Variants in C5 observed in about 807,000 individuals in gnomAD.
The protein encoded by C5 is complement C5.
C5 carries 140 observed loss-of-function variants against 218.8 expected under a neutral mutation model. The ratio of observed to expected loss-of-function variants is 0.64; its 90% CI spans 0.56 to 0.74. The LOEUF (loss-of-function observed/expected upper bound fraction) is 0.74. C5 is among the 30% of genes least tolerant of loss of function. The pLI, the probability that C5 is intolerant of heterozygous loss-of-function variation, is 0.00. For missense variants in C5, 1,700 were observed against 1,969.6 expected (o/e 0.86, Z 2.59); for synonymous variants, 614 against 682.3 (o/e 0.90, Z 1.56).
At chr9:120,962,500 T>C (rs2046834644) in intron 36 of C5, among the ~76,000 whole-genome samples, 171 bp downstream of exon 36, 1 of 152,242 alleles carries the variant, frequency 6.6e-6, no homozygotes, top group Non-Finnish European at 1.5e-5. Context: ...AAGTAGTTTA[T>C]GTACAATATT....
intron 22 of C5, among the ~76,000 whole-genome samples, chr9:120,993,963 G>A (rs2047097171): frequency 6.6e-6 from 1 of 152,090 alleles, no homozygotes; most frequent in Admixed American, 6.5e-5. Context: ...CAATGAGGAT[G>A]GTGTGTCAGG....
At chr9:121,005,102 T>C (rs2047205919) in intron 20 of C5, among the ~76,000 whole-genome samples, 1 of 152,282 alleles carries the variant, frequency 6.6e-6, no homozygotes, top group East Asian at 1.9e-4. Flanking sequence ...TTTAAAAAAA[T>C]ATAGCTAGAA....
chr9:120,997,699 A>G lies in C5; in HGVS notation c.2638T>C (p.Ser880Pro). The G allele has an allele frequency of 6.2e-7, 1 of 1,614,190 alleles. No individual in the cohort carries two copies. Among genetic ancestry groups the G allele is most frequent in the Non-Finnish European group, 8.5e-7 (1 of 1,180,016 alleles). The part of the protein sequence containing the change: ...SPVIDHQGTK[S>P]SKCVRQKVEG... ...ACTTTCTGGCGCACACATTTGGAGG[A>G]CTTTGTGCCCTGATGATCAATGACT... Residue 880 changes from serine to proline, a missense_variant, in exon 21 of 41, where the codon TCC becomes CCC. Physicochemically the swap from Ser to Pro is moderately conservative, Grantham distance 74. Transcript: ENST00000223642.
upstream of C5, among the ~76,000 whole-genome samples, chr9:121,053,558 A>T (rs539957559): frequency 6.6e-6 from 1 of 152,244 alleles, no homozygotes; most frequent in South Asian, 2.1e-4. Context: ...ACCTTCATAA[A>T]AGCCATAAAA....
chr9:121,005,070 T>C (rs1326687186), intron 20 of C5, among the ~76,000 whole-genome samples: 1 of 152,086 alleles, frequency 6.6e-6, no homozygotes, highest in Admixed American at 6.6e-5. Flanking sequence ...GAAATTCTAA[T>C]CTCTAAGAAT....
intron 9 of C5, among the ~76,000 whole-genome samples, chr9:121,024,053 A>C (rs1053383953): frequency 9.4e-5 from 14 of 149,066 alleles, no homozygotes; most frequent in Non-Finnish European, 1.6e-4. Flanking sequence ...ACTAAAACTA[A>C]AAAACGAAAA....
chr9:121,034,242 G>C (rs998520734), intron 5 of C5, among the ~76,000 whole-genome samples: 1 of 152,100 alleles, frequency 6.6e-6, no homozygotes, highest in Non-Finnish European at 1.5e-5. Context: ...CTTGAAAGCA[G>C]GGACTGTGGA....
At position 121,032,126 on chromosome 9, in the gene C5, T is replaced by G. The variant is rs1278525183; in HGVS notation, c.654A>C (p.Glu218Asp). 1 of 1,598,712 alleles carries G rather than the reference T, an allele frequency of 6.3e-7. No homozygotes were observed. The highest frequency in any genetic ancestry group is 8.6e-7 in the Non-Finnish European group (1 of 1,166,224). ...GTCAGAAATTACCATATTCTTTAAC[T>G]TCAAAATATGCGGTTCCAGTTGTTG... ...DFSTTGTAYF[E>D]VKEYVLPHFS... Residue 218 changes from glutamate (E) to aspartate (D), a missense_variant, in exon 6 of 41, where the codon GAA (glutamate) becomes GAC (aspartate). Transcript: ENST00000223642.
upstream of C5, among the ~76,000 whole-genome samples, chr9:121,052,589 C>A (rs1199255037): frequency 6.6e-6 from 1 of 151,768 alleles, no homozygotes; most frequent in African/African-American, 2.4e-5. Flanking sequence ...GTTTGGTGGT[C>A]ACCTGACCTT....
At chr9:121,041,793 A>G (rs1038191740) in intron 3 of C5, among the ~76,000 whole-genome samples, 2 of 152,204 alleles carry the variant, frequency 1.3e-5, no homozygotes, top group African/African-American at 4.8e-5. Context: ...AAAAGGACCC[A>G]ACCTTTGTGG....
chr9:121,056,066 G>T, the C5 span, among the ~76,000 whole-genome samples: 1 of 152,208 alleles, frequency 6.6e-6, no homozygotes, highest in Non-Finnish European at 1.5e-5. Context: ...TGAGATGGCT[G>T]CAGTAACCAC....
chr9:121,027,177 C>T lies in C5; in HGVS notation c.856G>A (p.Ala286Thr), dbSNP rs753487650. 4.4e-6 allele frequency: 7 copies of T among 1,577,752 alleles called. No individual in the cohort carries two copies. The Admixed American group carries it at 1.0e-4, about 23-fold the overall frequency. Residue 286 changes from alanine (A) to threonine (T), a missense_variant, in exon 8 of 41, where the codon GCA becomes ACA. Transcript: ENST00000223642. ...KDDQKEMMQT[A>T]MQNTMLINGI... Reference sequence around the variant, plus strand: ...CATCTTACCATTGTGTTTTGCATTGCTGTTTGCATCATTTCTTTTTGATCA... The same window carrying T: ...CATCTTACCATTGTGTTTTGCATTGTTGTTTGCATCATTTCTTTTTGATCA...
intron 17 of C5, among the ~76,000 whole-genome samples, chr9:121,013,593 T>G (rs974493586): frequency 6.6e-6 from 1 of 152,184 alleles, no homozygotes; most frequent in African/African-American, 2.4e-5. Flanking sequence ...TCGAAGCTCC[T>G]TGCATGAGGC....
intron 4 of C5, among the ~76,000 whole-genome samples, chr9:121,037,363 G>A (rs540747120): frequency 6.7e-6 from 1 of 150,368 alleles, no homozygotes; most frequent in East Asian, 2.0e-4. Context: ...CACCAGGCTG[G>A]AGTGCAGTGG....
In C5 at chr9:121,040,116, G is replaced by C. The variant is rs146348774; in HGVS notation, c.422-2165C>G. Among the ~76,000 whole-genome samples the C allele has an allele frequency of 7.0e-4, 107 of 152,362 alleles. 1 individual carries two copies. In the East Asian group the frequency reaches 0.019, roughly 27 times the overall value. On this transcript the variant is annotated intron_variant, in intron 3 of 40. Coordinates refer to ENST00000223642, the MANE Select transcript of C5 (RefSeq NM_001735.3). ...CCTGGCCTTATGAGCATGTAGAAGA[G>C]GGAGATTTGAAGAGGTCAGGGAAAT...
chr9:121,017,243 A>C, intron 14 of C5, 119 bp downstream of exon 14: 1 of 1,187,690 alleles, frequency 8.4e-7, no homozygotes, highest in Non-Finnish European at 1.2e-6. Flanking sequence ...CTTCCTAAAA[A>C]TGAGTATGTT....
In C5 at chr9:121,015,273, A is replaced by T. The variant is rs777160561; in HGVS notation, c.1997-12T>A. 2.0e-5 allele frequency: 31 copies of T among 1,560,164 alleles called. No individual in the cohort carries two copies. Among genetic ancestry groups the T allele is most frequent in the African/African-American group, 2.7e-5 (2 of 73,794 alleles). ...TTTACAAGGTTCATCTGGTTTTTTT[A>T]AAAAAAGATAAAGAAGAAGGATTAA... On this transcript the variant is annotated splice_polypyrimidine_tract_variant and intron_variant, in intron 15 of 40. Transcript: ENST00000223642.
chr9:121,069,165 A>C, the C5 span, among the ~76,000 whole-genome samples: 1 of 152,228 alleles, frequency 6.6e-6, no homozygotes, highest in Non-Finnish European at 1.5e-5. Context: ...TATCAAACTA[A>C]AAGGCTTCTG....
chr9:120,992,580 C>CA (rs1280225657), intron 22 of C5, among the ~76,000 whole-genome samples: 4 of 152,140 alleles, frequency 2.6e-5, no homozygotes, highest in African/African-American at 9.7e-5. Flanking sequence ...GAAACCTGCT[C>CA]TTGACTATTT....
Sources: gnomAD v4.1 joint callset for allele counts (sites outside exome capture counted in the v4.1 genomes callset) on GRCh38, gnomAD v4.1.1 for gene constraint, MANE v1.5 for transcripts, NCBI Gene and HGNC (gene_info 2026-07-23, HGNC 2026-07-21) for gene names.